Variants in COPS2 observed in about 807,000 individuals in gnomAD.
COPS2 encodes COP9 signalosome subunit 2, also known as COP9 signalosome complex subunit 2.
In COPS2, 10 loss-of-function variants were observed where a neutral mutation model predicts 66.1. The observed-to-expected ratio is 0.15, with a 90% CI of 0.09 to 0.26. The LOEUF is 0.26. Among genes scored for constraint, COPS2 ranks in the 10% least tolerant of loss-of-function variants. The probability of loss-of-function intolerance (pLI) is 1.00; values close to 1 mark genes in which losing one functional copy is unlikely to be tolerated. For missense variants in COPS2, 215 were observed against 513.3 expected, an observed-to-expected ratio of 0.42 and a Z score of 5.62; for synonymous variants, 179 against 171.3, an observed-to-expected ratio of 1.04 and a Z score of -0.35.
At chr15:49,154,785 C>G (rs1017880149) in intron 1 of COPS2, among the ~76,000 whole-genome samples, 1 of 152,184 alleles carries the variant, frequency 6.6e-6, no homozygotes, top group Non-Finnish European at 1.5e-5. Flanking sequence ...TATTTCTATG[C>G]TGTTGCTGTT....
intron 10 of COPS2, among the ~76,000 whole-genome samples, 173 bp from the exon 11 acceptor site, chr15:49,129,732 C>T (rs543952246): frequency 6.6e-5 from 10 of 152,212 alleles, no homozygotes; most frequent in African/African-American, 2.4e-4. Context: ...TGATCAGCTG[C>T]TGCCTATCCC....
Position 49,125,421 on chromosome 15 carries a change from AAAG to A in COPS2, c.*2526_*2528del, listed in dbSNP as rs1330427578. 6.6e-6 allele frequency: 1 copy of A among 152,136 alleles called. No homozygotes were observed. Among genetic ancestry groups the A allele is most frequent in the Middle Eastern group, 3.2e-3 (1 of 316 alleles). The allele number at this position is 152,136 out of a possible 1,614,324, so 9.4% of individuals were successfully genotyped here. ...AACTTTTAGCTAGGTTTAGGGATAA[AAAG>A]AAGAATGAGATGAACACATTACAAT... is the stretch of plus-strand genomic sequence containing the variant. On this transcript the variant is annotated 3_prime_UTR_variant, in exon 13 of 13. Coordinates refer to ENST00000388901, the MANE Select transcript of COPS2 (RefSeq NM_004236.4).
rs1486979731 is a variant in COPS2 at position 49,125,688 on chromosome 15, A to G, written c.*2262T>C. 1.3e-5 allele frequency: 2 copies of G among 152,152 alleles called. No homozygotes were observed. The highest frequency in any genetic ancestry group is 3.8e-4 in the East Asian group (2 of 5,202). 9.4% of individuals were successfully genotyped at this position (152,152 alleles called of 1,614,324 possible). A position where few individuals can be genotyped will look rare whatever the true frequency, so the allele number is the denominator to read the frequency against. On this transcript the variant is annotated 3_prime_UTR_variant, in exon 13 of 13. Transcript: ENST00000388901. ...AGATATATTTAAAAACCTGTATTCC[A>G]GAACAAAAGTCACAGATGACTAACA...
intron 3 of COPS2, among the ~76,000 whole-genome samples, 161 bp downstream of exon 3, chr15:49,144,066 T>G (rs2141130583): frequency 6.6e-6 from 1 of 152,256 alleles, no homozygotes; most frequent in Middle Eastern, 3.4e-3. Context: ...AGAATTTGTT[T>G]TTTTTACTTA....
chr15:49,149,824 T>G lies in COPS2; in HGVS notation c.55-4746A>C, dbSNP rs564414632. On this transcript the variant is annotated intron_variant, in intron 1 of 12. Transcript: ENST00000388901. ...ACAGCTGTACCATATGTTGGCACAC[T>G]AAGAGGTACATGGCAGTTGTTTCAT... Among the ~76,000 whole-genome samples the G allele has an allele frequency of 1.6e-3, 248 of 152,292 alleles. 1 individual carries two copies. The highest frequency in any genetic ancestry group is 6.8e-3 in the Middle Eastern group (2 of 292).
intron 6 of COPS2, among the ~76,000 whole-genome samples, chr15:49,135,565 A>G (rs1267690371): frequency 6.6e-6 from 1 of 152,192 alleles, no homozygotes; most frequent in East Asian, 1.9e-4. Flanking sequence ...ATCACAAAAA[A>G]GTGCTGACAT....
intron 1 of COPS2, among the ~76,000 whole-genome samples, chr15:49,152,545 G>A (rs1595827696): frequency 6.6e-6 from 1 of 152,180 alleles, no homozygotes; most frequent in East Asian, 1.9e-4. Flanking sequence ...AACAAGGCTG[G>A]TTGTGGTGAC....
intron 2 of COPS2, 92 bp from the exon 3 acceptor site, chr15:49,144,396 C>T (rs1158707106): frequency 1.4e-6 from 1 of 704,512 alleles, no homozygotes; most frequent in Non-Finnish European, 2.4e-6. Context: ...TAATTTTATA[C>T]TATATGCATA....
intron 1 of COPS2, among the ~76,000 whole-genome samples, chr15:49,153,224 G>A (rs554456732): frequency 6.6e-6 from 1 of 152,120 alleles, no homozygotes; most frequent in African/African-American, 2.4e-5. Context: ...CCAGGAGTTT[G>A]GGCCCAGCCT....
rs898647999 is a variant in COPS2 at position 49,124,756 on chromosome 15, C to T, written c.*3194G>A. 2.6e-5 allele frequency: 4 copies of T among 152,170 alleles called. No individual in the cohort carries two copies. The highest frequency in any genetic ancestry group is 5.9e-5 in the Non-Finnish European group (4 of 68,016). 9.4% of individuals were successfully genotyped at this position (152,170 alleles called of 1,614,324 possible). ...GCTTTACTTGTGTATGCTCAAGCCT[C>T]ACTTCAAAAATCTAAATCAAAAGAG... On this transcript the variant is annotated 3_prime_UTR_variant, in exon 13 of 13. Coordinates refer to ENST00000388901, the MANE Select transcript of COPS2 (RefSeq NM_004236.4).
intron 4 of COPS2, among the ~76,000 whole-genome samples, chr15:49,138,835 T>C (rs774075876): frequency 6.6e-6 from 1 of 152,190 alleles, no homozygotes; most frequent in African/African-American, 2.4e-5. Context: ...GACTATATCT[T>C]GTACTCAAGT....
chr15:49,137,541 CA>C, intron 4 of COPS2, 104 bp from the exon 5 acceptor site: 1 of 798,788 alleles, frequency 1.3e-6, no homozygotes. Context: ...CTTTAATACA[CA>C]TAAGATACAC....
chr15:49,155,450 G>A (rs2084420184), intron 1 of COPS2, 75 bp downstream of exon 1: 7 of 1,420,552 alleles, frequency 4.9e-6, no homozygotes, highest in Non-Finnish European at 7.0e-6. Context: ...ACGGGGAGAG[G>A]CCGCGGGCGC....
intron 3 of COPS2, among the ~76,000 whole-genome samples, chr15:49,139,859 TAA>T (rs1165013610): frequency 1.3e-5 from 2 of 152,220 alleles, no homozygotes; most frequent in Non-Finnish European, 2.9e-5. Context: ...ACCAAATGTA[TAA>T]AGTTAGCTTA....
intron 2 of COPS2, 89 bp from the exon 3 acceptor site, chr15:49,144,393 A>G: frequency 1.4e-6 from 1 of 731,646 alleles, no homozygotes; most frequent in Non-Finnish European, 2.4e-6. Context: ...AATTAATTTT[A>G]TACTATATGC....
chr15:49,155,080 C>A (rs1252824340), intron 1 of COPS2, among the ~76,000 whole-genome samples: 1 of 152,252 alleles, frequency 6.6e-6, no homozygotes, highest in Non-Finnish European at 1.5e-5. Context: ...AAGGACACCC[C>A]CGTTTTCTGA....
Position 49,139,541 on chromosome 15 carries a change from G to C in COPS2, c.359C>G (p.Ser120Cys), listed in dbSNP as rs1361040987. 2 of 1,595,680 alleles carry C rather than the reference G, an allele frequency of 1.3e-6. No individual in the cohort carries two copies. Among genetic ancestry groups the C allele is most frequent in the Non-Finnish European group, 8.6e-7 (1 of 1,165,276 alleles). The stretch of plus-strand genomic sequence containing the variant: ...ATTGAGTCTAACCTGTTTAGAAGTA[G>C]AGATATAATCAAGAATAGAATTAAT... The part of the protein sequence containing the change: ...KSINSILDYI[S>C]TSKQMDLLQE... The change falls in exon 4 of 13, where the codon TCT becomes TGT. Residue 120 changes from serine (S) to cysteine (C), a missense_variant. Ser to Cys is a moderately radical substitution (Grantham distance 112, BLOSUM62 -1). Coordinates refer to ENST00000388901, the MANE Select transcript of COPS2 (RefSeq NM_004236.4).
intron 11 of COPS2, 130 bp from the exon 12 acceptor site, chr15:49,128,890 T>C: frequency 1.7e-6 from 1 of 601,150 alleles, no homozygotes; most frequent in Non-Finnish European, 2.9e-6. Flanking sequence ...TTAAACATAT[T>C]TCATTATCAC....
At chr15:49,136,858 G>A (rs2084256091) in intron 6 of COPS2, among the ~76,000 whole-genome samples, 1 of 151,956 alleles carries the variant, frequency 6.6e-6, no homozygotes. Flanking sequence ...GCATGGTGGT[G>A]TGCACTTGTA....
Sources: gnomAD v4.1 joint callset for allele counts (sites outside exome capture counted in the v4.1 genomes callset) on GRCh38, gnomAD v4.1.1 for gene constraint, MANE v1.5 for transcripts, NCBI Gene and HGNC (gene_info 2026-07-23, HGNC 2026-07-21) for gene names.